SAXO1: variants seen among roughly 807,000 people sequenced by gnomAD.
The protein encoded by SAXO1 is 4930500O09Rik.
A neutral mutation model predicts 17.5 loss-of-function variants in SAXO1; 21 were observed. The ratio of observed to expected loss-of-function variants is 1.20; its 90% CI spans 0.85 to 1.72. The LOEUF (loss-of-function observed/expected upper bound fraction) is 1.72, where lower values mean the gene tolerates loss of function less well. Among genes scored for constraint, SAXO1 ranks in the 40% most tolerant of loss-of-function variants. SAXO1 has a pLI of 0.00. For synonymous variants in SAXO1, 274 were observed against 216.5 expected, an observed-to-expected ratio of 1.27 and a Z score of -2.33; for missense variants, 843 against 596.0, an observed-to-expected ratio of 1.41 and a Z score of -4.32.
chr9:18,953,395 G>A (rs1167730877), intron 1 of SAXO1, among the ~76,000 whole-genome samples: 1 of 152,134 alleles, frequency 6.6e-6, no homozygotes, highest in East Asian at 1.9e-4. Context: ...GCAATATACT[G>A]CAATATGATT....
At chr9:18,967,805 T>A (rs576200423) in intron 1 of SAXO1, among the ~76,000 whole-genome samples, 3 of 149,870 alleles carry the variant, frequency 2.0e-5, no homozygotes, top group African/African-American at 7.5e-5. Flanking sequence ...AAAAAAAAAC[T>A]CCTGCAGCTA....
intron 1 of SAXO1, chr9:19,027,712 C>A: frequency 7.2e-7 from 1 of 1,393,528 alleles, no homozygotes; most frequent in African/African-American, 1.4e-5. Context: ...CCATAGGCAC[C>A]AAGCACTTTG....
chr9:18,952,682 G>A (rs1832081094), intron 1 of SAXO1, among the ~76,000 whole-genome samples: 1 of 152,168 alleles, frequency 6.6e-6, no homozygotes, highest in African/African-American at 2.4e-5. Context: ...AAGCAGTATT[G>A]ATTCATGGTA....
chr9:18,986,810 G>T (rs566139338), intron 1 of SAXO1, among the ~76,000 whole-genome samples: 9 of 152,318 alleles, frequency 5.9e-5, no homozygotes, highest in African/African-American at 2.2e-4. Context: ...CAAAGACATT[G>T]TTAGGTTGTA....
At chr9:18,934,025 T>A (rs548175792) in intron 3 of SAXO1, among the ~76,000 whole-genome samples, 2 of 152,078 alleles carry the variant, frequency 1.3e-5, no homozygotes, top group African/African-American at 4.8e-5. Flanking sequence ...CCAGCCTGAG[T>A]GACAGAGCGA....
intron 1 of SAXO1, among the ~76,000 whole-genome samples, chr9:18,953,563 G>A (rs1263512617): frequency 6.6e-6 from 1 of 152,072 alleles, no homozygotes; most frequent in Admixed American, 6.6e-5. Context: ...AAACCCTTAT[G>A]CAAAAATAAA....
chr9:18,992,774 A>ATT (rs10707056), intron 1 of SAXO1, among the ~76,000 whole-genome samples: 71 of 149,496 alleles, frequency 4.7e-4, no homozygotes, highest in African/African-American at 1.7e-3. Context: ...CTTAAGAGCT[A>ATT]TTTTTTTTTT....
chr9:18,952,202 C>G (rs1832064352), intron 1 of SAXO1, among the ~76,000 whole-genome samples: 1 of 152,170 alleles, frequency 6.6e-6, no homozygotes, highest in African/African-American at 2.4e-5. Context: ...CATCAGGCAC[C>G]AGCACATCAG....
At chr9:18,939,986 G>C (rs546752408) in intron 3 of SAXO1, among the ~76,000 whole-genome samples, 6 of 152,250 alleles carry the variant, frequency 3.9e-5, no homozygotes, top group African/African-American at 1.2e-4. Context: ...GTGTAGACAT[G>C]GGGAAAACAG....
chr9:19,026,898 A>G (rs1835497057), intron 1 of SAXO1: 2 of 732,488 alleles, frequency 2.7e-6, no homozygotes, highest in Non-Finnish European at 2.5e-6. Flanking sequence ...GAAGATGGCA[A>G]CCGTGTGGGA....
At chr9:18,937,882 A>G (rs1441681671) in intron 3 of SAXO1, among the ~76,000 whole-genome samples, 1 of 152,230 alleles carries the variant, frequency 6.6e-6, no homozygotes, top group African/African-American at 2.4e-5. Flanking sequence ...ACAGCAGCAC[A>G]AATGAACTAA....
chr9:19,013,175 T>C (rs964160283), intron 1 of SAXO1, among the ~76,000 whole-genome samples: 1 of 151,974 alleles, frequency 6.6e-6, no homozygotes, highest in Non-Finnish European at 1.5e-5. Context: ...CACTTGATCT[T>C]AGCCAAAAGG....
At chr9:19,027,436 G>T in intron 1 of SAXO1, 1 of 757,714 alleles carries the variant, frequency 1.3e-6, no homozygotes, top group Non-Finnish European at 2.4e-6. Context: ...CCAGGAACTG[G>T]TGGAGGCCAC....
rs138059480 is a variant in SAXO1, at chr9:18,981,672, G to A, written c.39-30735C>T. Among the ~76,000 whole-genome samples the A allele has an allele frequency of 8.5e-4, 130 of 152,276 alleles. No homozygotes were observed. In the East Asian group the frequency reaches 0.02, roughly 24 times the overall value. ...CAAATGGGGGTGATAACTCCTGAGG[G>A]CCTGGAATGTGCCAGGAGCTCTGCC... On this transcript the variant is annotated intron_variant, in intron 1 of 3. Transcript: ENST00000380534.
chr9:19,007,208 G>A (rs557055102), intron 1 of SAXO1, among the ~76,000 whole-genome samples: 4 of 151,560 alleles, frequency 2.6e-5, no homozygotes, highest in East Asian at 1.9e-4. Context: ...TTAACTGGGC[G>A]TTTTGGTGCA....
intron 1 of SAXO1, among the ~76,000 whole-genome samples, chr9:19,007,207 C>T (rs1410481311): frequency 3.4e-5 from 5 of 147,690 alleles, no homozygotes; most frequent in East Asian, 2.1e-4. Flanking sequence ...ATTAACTGGG[C>T]GTTTTGGTGC....
intron 1 of SAXO1, among the ~76,000 whole-genome samples, chr9:19,004,248 G>A (rs371152834): frequency 7.3e-4 from 111 of 152,332 alleles, no homozygotes; most frequent in African/African-American, 2.5e-3. Context: ...TTGCTGGAGA[G>A]GATGTGGAGA....
chr9:19,023,809 G>A (rs566963033), intron 1 of SAXO1, among the ~76,000 whole-genome samples: 2 of 152,122 alleles, frequency 1.3e-5, no homozygotes, highest in South Asian at 4.2e-4. Context: ...GGAAAGCAAG[G>A]AAAGGAAAGA....
chr9:19,000,115 C>A (rs1415244982), intron 1 of SAXO1, among the ~76,000 whole-genome samples: 1 of 149,260 alleles, frequency 6.7e-6, no homozygotes, highest in Non-Finnish European at 1.5e-5. Flanking sequence ...AAGTGAGGAG[C>A]ACCTCTGTCC....
Sources: gnomAD v4.1 joint callset for allele counts (sites outside exome capture counted in the v4.1 genomes callset) on GRCh38, gnomAD v4.1.1 for gene constraint, MANE v1.5 for transcripts, NCBI Gene and HGNC (gene_info 2026-07-23, HGNC 2026-07-21) for gene names.